The following CHN1 variants were observed in gnomAD, a reference collection of about 807,000 sequenced individuals.
CHN1 encodes N-chimaerin.
In CHN1, 37 loss-of-function variants were observed where a neutral mutation model predicts 59.5. The ratio of observed to expected loss-of-function variants is 0.62; its 90% CI spans 0.48 to 0.82. The LOEUF (loss-of-function observed/expected upper bound fraction) is 0.82. CHN1 is among the 40% of genes least tolerant of loss of function. The pLI is 0.00. For synonymous variants in CHN1, 206 were observed against 200.4 expected, an observed-to-expected ratio of 1.03 and a Z score of -0.24; for missense variants, 469 against 571.0, an observed-to-expected ratio of 0.82 and a Z score of 1.82.
Position 174,800,012 on chromosome 2 carries a change from C to T in CHN1, c.*104G>A. 1 of 1,116,640 alleles carries T rather than the reference C, an allele frequency of 9.0e-7. No individual in the cohort carries two copies. Among genetic ancestry groups the T allele is most frequent in the South Asian group, 1.3e-5 (1 of 74,798 alleles). 69.2% of individuals were successfully genotyped at this position (1,116,640 alleles called of 1,614,324 possible). On this transcript the variant is annotated 3_prime_UTR_variant, in exon 13 of 13. Transcript: ENST00000409900. The stretch of plus-strand genomic sequence containing the variant: ...TCCTTCACTTTAATCTGGTTATATG[C>T]CCAAACCTCTAATCAAGAAATAATG...
At chr2:174,898,288 A>T (rs1413122280) in intron 5 of CHN1, among the ~76,000 whole-genome samples, 1 of 152,168 alleles carries the variant, frequency 6.6e-6, no homozygotes, top group African/African-American at 2.4e-5. Flanking sequence ...AGAAAAACAA[A>T]CAACTATTTT....
At chr2:174,971,326 A>C (rs1690754335) in intron 1 of CHN1, among the ~76,000 whole-genome samples, 1 of 152,272 alleles carries the variant, frequency 6.6e-6, no homozygotes, top group East Asian at 1.9e-4. Context: ...TCTTAAAAAA[A>C]AAGTCATTTT....
chr2:174,918,345 T>C (rs1408272846), intron 4 of CHN1, among the ~76,000 whole-genome samples, 189 bp downstream of exon 4: 1 of 152,216 alleles, frequency 6.6e-6, no homozygotes, highest in African/African-American at 2.4e-5. Flanking sequence ...CCCATGCTAT[T>C]TTCTTATTTA....
intron 1 of CHN1, among the ~76,000 whole-genome samples, chr2:174,977,716 G>A (rs1052155105): frequency 6.6e-6 from 1 of 152,160 alleles, no homozygotes; most frequent in Non-Finnish European, 1.5e-5. Flanking sequence ...GTGGCAAAAT[G>A]TTTCAGGATA....
chr2:174,914,226 GA>G (rs1688774772), intron 5 of CHN1, among the ~76,000 whole-genome samples: 1 of 152,182 alleles, frequency 6.6e-6, no homozygotes, highest in Non-Finnish European at 1.5e-5. Context: ...AAGTCCAGTG[GA>G]TAAGTATGCT....
rs1196355286 is a variant in CHN1 at position 174,799,626 on chromosome 2, T to G, written c.*490A>C. Reference sequence around the variant, plus strand: ...GAGAAACCAGAAATCATTTGTAAAATGTAGGCATGTGATATGGTTTATGGT... The same window carrying G: ...GAGAAACCAGAAATCATTTGTAAAAGGTAGGCATGTGATATGGTTTATGGT... On this transcript the variant is annotated 3_prime_UTR_variant, in exon 13 of 13. Coordinates refer to ENST00000409900, the MANE Select transcript of CHN1 (RefSeq NM_001822.7). The G allele has an allele frequency of 1.1e-5, 6 of 530,402 alleles. No individual in the cohort carries two copies. The East Asian group carries it at 2.4e-4, about 21-fold the overall frequency. The allele number at this position is 530,402 out of a possible 1,614,324, so 32.9% of individuals were successfully genotyped here.
chr2:174,872,881 G>C (rs930512530), intron 6 of CHN1, among the ~76,000 whole-genome samples: 1 of 152,084 alleles, frequency 6.6e-6, no homozygotes, highest in African/African-American at 2.4e-5. Flanking sequence ...ACATTTACTA[G>C]GAAGGCCACA....
At chr2:174,919,776 TG>T (rs1363744087) in intron 3 of CHN1, among the ~76,000 whole-genome samples, 4 of 152,140 alleles carry the variant, frequency 2.6e-5, no homozygotes, top group Non-Finnish European at 2.9e-5. Flanking sequence ...TTTTTTTTTT[TG>T]TGGTTAGAAC....
chr2:174,955,184 C>CTATATATATA (rs368644554), intron 1 of CHN1, among the ~76,000 whole-genome samples: 17 of 82,720 alleles, frequency 2.1e-4, no homozygotes, highest in Admixed American at 5.8e-4. Context: ...ATATCTATAT[C>CTATATATATA]TATATATATA....
intron 7 of CHN1, among the ~76,000 whole-genome samples, chr2:174,844,158 C>T (rs1686417561): frequency 6.6e-6 from 1 of 150,618 alleles, no homozygotes; most frequent in Non-Finnish European, 1.5e-5. Flanking sequence ...AACTATCCTT[C>T]TTGTGATAGA....
intron 3 of CHN1, among the ~76,000 whole-genome samples, chr2:174,933,791 A>G (rs1482287099): frequency 6.6e-6 from 1 of 152,206 alleles, no homozygotes; most frequent in Non-Finnish European, 1.5e-5. Flanking sequence ...TTATGTCCTT[A>G]AGCAGATAGA....
rs1684637509 is a variant in CHN1 at position 174,799,299 on chromosome 2, G to A, written c.*817C>T. The A allele has an allele frequency of 2.9e-6, 1 of 348,580 alleles. No individual in the cohort carries two copies. The highest frequency in any genetic ancestry group is 4.4e-5 in the Admixed American group (1 of 22,878). The allele number at this position is 348,580 out of a possible 1,614,324, so 21.6% of individuals were successfully genotyped here. ...TTTTAGAAGCTTATCACTTTTAACA[G>A]TAAACAAAAGAGGTCAGAAGAAGTA... On this transcript the variant is annotated 3_prime_UTR_variant, in exon 13 of 13. Transcript: ENST00000409900.
chr2:174,979,753 C>T (rs542510366), intron 1 of CHN1, among the ~76,000 whole-genome samples: 5 of 151,890 alleles, frequency 3.3e-5, no homozygotes, highest in Non-Finnish European at 4.4e-5. Flanking sequence ...TGGTGGTGGG[C>T]GCCTGTAGTC....
intron 7 of CHN1, among the ~76,000 whole-genome samples, chr2:174,832,445 T>G (rs1254088291): frequency 6.6e-6 from 1 of 152,084 alleles, no homozygotes; most frequent in Admixed American, 6.5e-5. Flanking sequence ...AAGCATTTAA[T>G]GATATAAATT....
At position 174,863,856 on chromosome 2, in the gene CHN1, C is replaced by T. The variant is rs539375741; in HGVS notation, c.549+13984G>A. 3.8e-4 allele frequency among the ~76,000 whole-genome samples: 58 copies of T among 152,194 alleles called. No individual in the cohort carries two copies. The South Asian group carries it at 0.011, about 30-fold the overall frequency. On this transcript the variant is annotated intron_variant, in intron 6 of 12. Transcript: ENST00000409900. ...GCAGATATCTCAATTTTATAGAAAGCTTCATTGGTGAGAACACTGATCGTC... is the reference window on the plus strand; with the variant it reads ...GCAGATATCTCAATTTTATAGAAAGTTTCATTGGTGAGAACACTGATCGTC...
intron 5 of CHN1, among the ~76,000 whole-genome samples, chr2:174,888,848 C>G (rs552546240): frequency 5.7e-4 from 87 of 152,242 alleles, no homozygotes; most frequent in African/African-American, 1.8e-3. Context: ...ACTAATGGAA[C>G]TGGTAATGTA....
chr2:174,990,062 AAAG>A (rs550098685), intron 1 of CHN1, among the ~76,000 whole-genome samples: 45 of 152,262 alleles, frequency 3.0e-4, no homozygotes, highest in African/African-American at 1.0e-3. Flanking sequence ...AATAAAGGTA[AAAG>A]AAGAAGTTTT....
chr2:174,923,405 G>T (rs758592942), intron 3 of CHN1, among the ~76,000 whole-genome samples: 1 of 152,194 alleles, frequency 6.6e-6, no homozygotes, highest in Non-Finnish European at 1.5e-5. Flanking sequence ...CTCCCAAAGT[G>T]CTGGGATTAC....
At chr2:174,800,749 G>C (rs1684694824) in intron 12 of CHN1, among the ~76,000 whole-genome samples, 2 of 123,580 alleles carry the variant, frequency 1.6e-5, no homozygotes. Flanking sequence ...GCAATGGGTA[G>C]GCACCATCGT....
Sources: allele counts gnomAD v4.1 joint callset (sites outside exome capture counted in the v4.1 genomes callset), GRCh38; gene constraint gnomAD v4.1.1; transcripts MANE v1.5; gene names NCBI Gene and HGNC (gene_info 2026-07-23, HGNC 2026-07-21).